EDIL3: variants seen among roughly 807,000 people sequenced by gnomAD.
EDIL3 encodes EGF-like repeat and discoidin I-like domain-containing protein 3.
Under a neutral mutation model 67.4 loss-of-function variants are expected in EDIL3, and 37 were observed. The ratio of observed to expected loss-of-function variants is 0.55; its 90% confidence interval spans 0.42 to 0.72. The LOEUF is 0.72. EDIL3 is among the 30% of genes least tolerant of loss of function. The pLI is 0.00. For missense variants in EDIL3, 527 were observed against 586.3 expected, an observed-to-expected ratio of 0.90 and a Z score of 1.04; for synonymous variants, 195 against 196.3, an observed-to-expected ratio of 0.99 and a Z score of 0.05.
At chr5:84,037,988 G>GTT (rs67762520) in intron 9 of EDIL3, among the ~76,000 whole-genome samples, 1,374 of 99,596 alleles carry the variant, frequency 0.014, 64 homozygotes, top group African/African-American at 0.018. Flanking sequence ...TTTCTTTCTT[G>GTT]TTTTTTTTTT....
At chr5:84,268,676 T>G (rs1241319941) in intron 1 of EDIL3, among the ~76,000 whole-genome samples, 1 of 152,184 alleles carries the variant, frequency 6.6e-6, no homozygotes, top group Non-Finnish European at 1.5e-5. Context: ...GCACTTTTAT[T>G]GTTAGAAAAA....
rs547014410 is a variant in EDIL3 at position 84,321,292 on chromosome 5, T to A, written c.67+63016A>T. ...TGTCTTTATTTGTGAGGGGCAATTT[T>A]CCTGGATATAATTCCAGGATATAAG... On this transcript the variant is annotated intron_variant, in intron 1 of 10. Coordinates refer to ENST00000296591, the MANE Select transcript of EDIL3 (RefSeq NM_005711.5). 6.6e-5 allele frequency among the ~76,000 whole-genome samples: 10 copies of A among 152,254 alleles called. No individual in the cohort carries two copies. The South Asian group carries it at 2.1e-3, about 32-fold the overall frequency.
At chr5:84,271,287 G>A (rs1408801511) in intron 1 of EDIL3, among the ~76,000 whole-genome samples, 16 of 151,880 alleles carry the variant, frequency 1.1e-4, no homozygotes, top group African/African-American at 3.9e-4. Flanking sequence ...GGTGGTGGGC[G>A]CCTGTAGTCC....
intron 6 of EDIL3, among the ~76,000 whole-genome samples, chr5:84,084,473 G>C (rs1747032133): frequency 6.6e-6 from 1 of 152,122 alleles, no homozygotes. Context: ...AATTGCATCT[G>C]TAACACAAGT....
intron 3 of EDIL3, among the ~76,000 whole-genome samples, chr5:84,221,246 GT>G (rs1744335491): frequency 6.6e-6 from 1 of 151,938 alleles, no homozygotes; most frequent in Non-Finnish European, 1.5e-5. Flanking sequence ...TATTTTAATT[GT>G]TTATGCCAAG....
At chr5:83,997,284 G>A (rs555571345) in intron 9 of EDIL3, among the ~76,000 whole-genome samples, 1 of 152,256 alleles carries the variant, frequency 6.6e-6, no homozygotes, top group Admixed American at 6.5e-5. Context: ...ATAGCAGGAA[G>A]AACATGCAGT....
At chr5:84,312,345 A>C (rs1429737596) in intron 1 of EDIL3, among the ~76,000 whole-genome samples, 2 of 107,140 alleles carry the variant, frequency 1.9e-5, no homozygotes, top group Admixed American at 9.8e-5. Flanking sequence ...TGACCCCCCC[A>C]CCTCCCTCCC....
chr5:84,018,515 C>A (rs1745649181), intron 9 of EDIL3, among the ~76,000 whole-genome samples: 1 of 152,154 alleles, frequency 6.6e-6, no homozygotes, highest in Admixed American at 6.6e-5. Context: ...TCCTCGCTCT[C>A]ACATTTGCCC....
At chr5:84,157,269 A>T (rs1748509695) in intron 4 of EDIL3, among the ~76,000 whole-genome samples, 1 of 152,042 alleles carries the variant, frequency 6.6e-6, no homozygotes, top group South Asian at 2.1e-4. Context: ...ACAAACCCCC[A>T]AGACACGTTT....
chr5:84,005,885 C>T lies in EDIL3; in HGVS notation c.1138-42525G>A, dbSNP rs146420960. ...AAGAAGACAGGAAGTTAAACTATCT[C>T]TCCTCGCAGATGATATGATTTTATA... is the stretch of plus-strand genomic sequence containing the variant. On this transcript the variant is annotated intron_variant, in intron 9 of 10. Transcript: ENST00000296591. Among the ~76,000 whole-genome samples the T allele has an allele frequency of 7.6e-3, 1,158 of 152,006 alleles. 14 individuals are homozygous for T. The highest frequency in any genetic ancestry group is 0.027 in the African/African-American group (1,101 of 41,480).
intron 1 of EDIL3, among the ~76,000 whole-genome samples, chr5:84,275,765 GT>G (rs1356797805): frequency 6.6e-6 from 1 of 152,220 alleles, no homozygotes; most frequent in African/African-American, 2.4e-5. Flanking sequence ...ATTGCAACAA[GT>G]AGGCAACCAT....
chr5:84,327,772 A>G (rs903170120), intron 1 of EDIL3, among the ~76,000 whole-genome samples: 5 of 152,034 alleles, frequency 3.3e-5, no homozygotes, highest in Non-Finnish European at 7.4e-5. Context: ...GAGCGCCCCA[A>G]TGCCATAGGG....
chr5:84,361,715 T>A (rs988550476), intron 1 of EDIL3, among the ~76,000 whole-genome samples: 20 of 151,900 alleles, frequency 1.3e-4, no homozygotes, highest in African/African-American at 4.8e-4. Context: ...TTTCTGGGAA[T>A]TCAATTGGTC....
At chr5:84,360,539 T>C (rs1400306327) in intron 1 of EDIL3, among the ~76,000 whole-genome samples, 1 of 152,194 alleles carries the variant, frequency 6.6e-6, no homozygotes, top group Non-Finnish European at 1.5e-5. Flanking sequence ...TTTTCAATCA[T>C]TTCCTATTAG....
chr5:84,002,793 C>A (rs1745353606), intron 9 of EDIL3, among the ~76,000 whole-genome samples: 1 of 152,170 alleles, frequency 6.6e-6, no homozygotes, highest in Non-Finnish European at 1.5e-5. Context: ...GGTCAGTGAA[C>A]CAGAGAAAGA....
chr5:83,987,634 G>A (rs1580266635), intron 9 of EDIL3, among the ~76,000 whole-genome samples: 1 of 151,994 alleles, frequency 6.6e-6, no homozygotes, highest in East Asian at 1.9e-4. Flanking sequence ...AACAGCATTT[G>A]CTGCTTACAG....
At chr5:83,984,078 G>A (rs1425092836) in intron 9 of EDIL3, among the ~76,000 whole-genome samples, 1 of 152,032 alleles carries the variant, frequency 6.6e-6, no homozygotes, top group Non-Finnish European at 1.5e-5. Context: ...AAGAAAGGGA[G>A]GCTAAGTCAG....
At chr5:84,262,197 G>C (rs1221085832) in intron 1 of EDIL3, among the ~76,000 whole-genome samples, 1 of 152,112 alleles carries the variant, frequency 6.6e-6, no homozygotes, top group Non-Finnish European at 1.5e-5. Flanking sequence ...GCCGGGGGAG[G>C]CTTTTCAAAT....
At chr5:84,075,719 C>A (rs1338173040) in intron 6 of EDIL3, among the ~76,000 whole-genome samples, 1 of 152,086 alleles carries the variant, frequency 6.6e-6, no homozygotes, top group Non-Finnish European at 1.5e-5. Flanking sequence ...AGGTGATCTG[C>A]CCGTCTCGGC....
Sources: allele counts gnomAD v4.1 joint callset (sites outside exome capture counted in the v4.1 genomes callset), GRCh38; gene constraint gnomAD v4.1.1; transcripts MANE v1.5; gene names NCBI Gene and HGNC (gene_info 2026-07-23, HGNC 2026-07-21).